FARP1: variants seen among roughly 807,000 people sequenced by gnomAD.
The protein encoded by FARP1 is FERM, ARH/RhoGEF and pleckstrin domain protein 1.
Under a neutral mutation model 128.8 loss-of-function variants are expected in FARP1, and 52 were observed. The observed-to-expected ratio is 0.40, with a 90% confidence interval of 0.32 to 0.51. FARP1 has a LOEUF of 0.51. FARP1 is among the 20% of genes least tolerant of loss of function. FARP1 has a pLI of 0.45. For synonymous variants in FARP1, 580 were observed against 551.8 expected, an observed-to-expected ratio of 1.05 and a Z score of -0.72; for missense variants, 1,333 against 1,367.9, an observed-to-expected ratio of 0.97 and a Z score of 0.40.
At chr13:98,302,441 C>T (rs1466824122) in intron 2 of FARP1, among the ~76,000 whole-genome samples, 1 of 152,242 alleles carries the variant, frequency 6.6e-6, no homozygotes, top group Admixed American at 6.5e-5. Flanking sequence ...TTTCTTTTTC[C>T]GAGAGCTGCT....
intron 1 of FARP1, among the ~76,000 whole-genome samples, chr13:98,191,605 CT>C (rs1879230641): frequency 6.6e-6 from 1 of 152,172 alleles, no homozygotes; most frequent in African/African-American, 2.4e-5. Context: ...TTCAGTATTT[CT>C]TTTTTTCCTT....
chr13:98,149,526 TTA>T (rs1487309510), intron 1 of FARP1, among the ~76,000 whole-genome samples: 1 of 152,112 alleles, frequency 6.6e-6, no homozygotes, highest in Non-Finnish European at 1.5e-5. Context: ...TGGCACCATT[TTA>T]TGTTACCATC....
intron 15 of FARP1, among the ~76,000 whole-genome samples, chr13:98,411,605 A>T (rs1467570281): frequency 6.6e-6 from 1 of 152,220 alleles, no homozygotes; most frequent in African/African-American, 2.4e-5. Context: ...ATCGGCCAGA[A>T]TGGAGGTTTT....
intron 2 of FARP1, among the ~76,000 whole-genome samples, chr13:98,305,250 G>T (rs1594379094): frequency 6.6e-6 from 1 of 151,772 alleles, no homozygotes; most frequent in African/African-American, 2.4e-5. Context: ...GCTGCCATTT[G>T]GGTACTCATG....
intron 3 of FARP1, among the ~76,000 whole-genome samples, chr13:98,349,687 AAAAAAAAAAAAAAAAG>A (rs1350984456): frequency 6.7e-6 from 1 of 150,280 alleles, no homozygotes; most frequent in African/African-American, 2.4e-5. Context: ...AAAAAAAAAA[AAAAAAAAAAAAAAAAG>A]ACAATGCTTA....
At position 98,326,117 on chromosome 13, in the gene FARP1, A is replaced by ATGCAG. The variant is rs1887222693; in HGVS notation, c.172-17645_172-17644insTGCAG. The stretch of plus-strand genomic sequence containing the variant: ...ACACAAATGGCTTCGTCTGCTTGGT[A>ATGCAG]ATGAATAAACATATGCAAAAGGACA... On this transcript the variant is annotated intron_variant, in intron 2 of 26. Transcript: ENST00000319562. Among the ~76,000 whole-genome samples, 7 of 152,352 alleles carry ATGCAG rather than the reference A, an allele frequency of 4.6e-5. No homozygotes were observed. In the South Asian group the frequency reaches 1.2e-3, roughly 27 times the overall value.
intron 6 of FARP1, chr13:98,383,623 C>T (rs1889974482): frequency 6.6e-6 from 1 of 152,106 alleles, no homozygotes; most frequent in Non-Finnish European, 1.5e-5. Flanking sequence ...CAGCTGGGCT[C>T]TGGTCATTAG....
chr13:98,217,819 A>G (rs1230190882), intron 2 of FARP1, among the ~76,000 whole-genome samples: 2 of 152,322 alleles, frequency 1.3e-5, no homozygotes, highest in Admixed American at 6.5e-5. Flanking sequence ...GTTCGTCATC[A>G]TATCCTACGC....
At chr13:98,303,503 C>T (rs368585968) in intron 2 of FARP1, among the ~76,000 whole-genome samples, 12 of 152,090 alleles carry the variant, frequency 7.9e-5, no homozygotes, top group African/African-American at 2.7e-4. Context: ...ACTTGGTCCT[C>T]GTTGTGTATG....
intron 1 of FARP1, among the ~76,000 whole-genome samples, chr13:98,162,833 G>A (rs1317425023): frequency 6.6e-6 from 1 of 152,182 alleles, no homozygotes; most frequent in African/African-American, 2.4e-5. Context: ...GGTTGCTGGC[G>A]AGGTTGCGGA....
At chr13:98,440,644 G>C in intron 23 of FARP1, 26 bp from the exon 24 acceptor site, 2 of 1,594,286 alleles carry the variant, frequency 1.3e-6, no homozygotes, top group Non-Finnish European at 1.7e-6. Context: ...AAGATCAGAA[G>C]TGCTGCCTTT....
intron 2 of FARP1, among the ~76,000 whole-genome samples, chr13:98,262,615 G>A (rs904301754): frequency 2.6e-5 from 4 of 152,166 alleles, no homozygotes; most frequent in African/African-American, 4.8e-5. Flanking sequence ...TGAAATTCAC[G>A]CATTTTGTGT....
chr13:98,435,690 T>A lies in FARP1; in HGVS notation c.2258T>A (p.Leu753His), dbSNP rs376912711. 1 of 1,614,016 alleles carries A rather than the reference T, an allele frequency of 6.2e-7. No homozygotes were observed. The highest frequency in any genetic ancestry group is 1.1e-5 in the South Asian group (1 of 91,080). The change falls in exon 19 of 27, where the codon CTT becomes CAT. Residue 753 changes from leucine (L) to histidine (H), a missense_variant. Transcript: ENST00000319562. ...LKKDLIGIDN[L>H]VVPGREFIRL... ...AAAGATTTGATTGGCATTGACAATC[T>A]TGTGGTTCCGGGAAGGGTAAGCAGC...
chr13:98,339,078 G>A (rs759644069), intron 2 of FARP1, among the ~76,000 whole-genome samples: 2 of 152,048 alleles, frequency 1.3e-5, no homozygotes, highest in South Asian at 2.1e-4. Context: ...TTAGCTGCCC[G>A]GTACACATTG....
At chr13:98,235,770 T>A (rs1401959383) in intron 2 of FARP1, among the ~76,000 whole-genome samples, 1 of 151,856 alleles carries the variant, frequency 6.6e-6, no homozygotes, top group Admixed American at 6.5e-5. Context: ...AGGCTCATTT[T>A]ATACACTGGT....
chr13:98,316,621 C>T (rs976612332), intron 2 of FARP1, among the ~76,000 whole-genome samples: 2 of 152,212 alleles, frequency 1.3e-5, no homozygotes, highest in African/African-American at 4.8e-5. Flanking sequence ...CCCAAGTCAT[C>T]TTCATCCTTG....
intron 1 of FARP1, among the ~76,000 whole-genome samples, chr13:98,198,103 CT>C (rs2139257486): frequency 6.6e-6 from 1 of 152,234 alleles, no homozygotes; most frequent in East Asian, 1.9e-4. Flanking sequence ...TTCTCCTGAA[CT>C]CAAGGAGGCA....
At chr13:98,289,230 A>G (rs1306866116) in intron 2 of FARP1, among the ~76,000 whole-genome samples, 1 of 152,100 alleles carries the variant, frequency 6.6e-6, no homozygotes, top group Non-Finnish European at 1.5e-5. Flanking sequence ...TAATCCGATC[A>G]TACCTTTCTT....
At chr13:98,374,339 G>C (rs1889482267) in intron 5 of FARP1, among the ~76,000 whole-genome samples, 1 of 152,136 alleles carries the variant, frequency 6.6e-6, no homozygotes, top group Admixed American at 6.5e-5. Context: ...CAGGAGGATT[G>C]CTTGAGCCCC....
Sources: gnomAD v4.1 joint callset for allele counts (sites outside exome capture counted in the v4.1 genomes callset) on GRCh38, gnomAD v4.1.1 for gene constraint, MANE v1.5 for transcripts, NCBI Gene and HGNC (gene_info 2026-07-23, HGNC 2026-07-21) for gene names.